The following LYST variants were observed in gnomAD, a reference collection of about 807,000 sequenced individuals.
LYST encodes the protein lysosomal trafficking regulator, also known as lysosomal-trafficking regulator.
Under a neutral mutation model 413.6 loss-of-function variants are expected in LYST, and 192 were observed. The ratio of observed to expected loss-of-function variants is 0.46; its 90% CI spans 0.41 to 0.52. The LOEUF is 0.52. Ranked by LOEUF, LYST falls within the 20% of genes least tolerant of loss-of-function variation. LYST has a pLI of 0.00. For missense variants in LYST, 3,815 were observed against 4,499.9 expected, an observed-to-expected ratio of 0.85 and a Z score of 4.35; for synonymous variants, 1,525 against 1,567.3, an observed-to-expected ratio of 0.97 and a Z score of 0.64.
chr1:235,847,257 A>G (rs1677988922), intron 1 of LYST, among the ~76,000 whole-genome samples: 1 of 152,222 alleles, frequency 6.6e-6, no homozygotes, highest in South Asian at 2.1e-4. Context: ...TCAGCCAAGA[A>G]TTTTGTATCC....
At position 235,702,050 on chromosome 1, in the gene LYST, T is replaced by C. The variant is rs571723043; in HGVS notation, c.10374+697A>G. Among the ~76,000 whole-genome samples, 207 of 152,308 alleles carry C rather than the reference T, an allele frequency of 1.4e-3. 1 individual carries two copies. Among genetic ancestry groups the C allele is most frequent in the Middle Eastern group, 3.4e-3 (1 of 294 alleles). On this transcript the variant is annotated intron_variant, in intron 45 of 52. Coordinates refer to ENST00000389793, the MANE Select transcript of LYST (RefSeq NM_000081.4). ...GAGTTATTTCATCTTTAAGGTCCTT[T>C]ACAACGTCTTTCCCTTACCTTTTCA...
rs528647541 is a variant in LYST at position 235,762,819 on chromosome 1, T to G, written c.6154A>C (p.Ile2052Leu). Reference sequence around the variant, plus strand: ...CTGCTGGAATGCCTCAGGTACATGATTGACCGCACTTTCTCCTGAAAGATC... The same window carrying G: ...CTGCTGGAATGCCTCAGGTACATGAGTGACCGCACTTTCTCCTGAAAGATC... Reference protein sequence around the residue: ...GKIFQEKVRSIMYLRHSSSGG... With the variant: ...GKIFQEKVRSLMYLRHSSSGG... The change falls in exon 22 of 53, where the codon ATC (isoleucine) becomes CTC (leucine). Residue 2052 changes from isoleucine to leucine, a missense_variant. Physicochemically the swap from Ile to Leu is conservative, Grantham distance 5 (BLOSUM62 2). Coordinates refer to ENST00000389793, the MANE Select transcript of LYST (RefSeq NM_000081.4). The G allele has an allele frequency of 1.9e-6, 3 of 1,613,570 alleles. No individual in the cohort carries two copies. The Admixed American group carries it at 5.0e-5, about 27-fold the overall frequency.
chr1:235,730,454 T>C (rs142360521), intron 36 of LYST, among the ~76,000 whole-genome samples: 25 of 152,120 alleles, frequency 1.6e-4, no homozygotes, highest in African/African-American at 5.8e-4. Context: ...AGCAGCTCTA[T>C]CTATATTAAT....
In LYST at chr1:235,707,474, T is replaced by C. The variant is rs1304654769; in HGVS notation, c.10143+1617A>G. ...CCCTGTCTCACTAAAAATACAAAAA[T>C]TAGCCAGGTGCGGTGGTGGGCGCCT... On this transcript the variant is annotated intron_variant, in intron 44 of 52. Coordinates refer to ENST00000389793, the MANE Select transcript of LYST (RefSeq NM_000081.4). Among the ~76,000 whole-genome samples the C allele has an allele frequency of 2.0e-5, 3 of 151,934 alleles. No homozygotes were observed. The East Asian group carries it at 5.8e-4, about 29-fold the overall frequency.
At chr1:235,675,245 C>T (rs1023157060) in intron 50 of LYST, among the ~76,000 whole-genome samples, 1 of 152,182 alleles carries the variant, frequency 6.6e-6, no homozygotes, top group African/African-American at 2.4e-5. Context: ...CATGCCCAGA[C>T]TTGTTCTATA....
chr1:235,834,046 G>A (rs1053789642), intron 1 of LYST, among the ~76,000 whole-genome samples: 4 of 152,072 alleles, frequency 2.6e-5, no homozygotes, highest in African/African-American at 9.7e-5. Flanking sequence ...GAGTTCCTAG[G>A]TACAGCCATT....
chr1:235,776,356 T>A (rs1669235395), intron 17 of LYST, among the ~76,000 whole-genome samples: 1 of 152,194 alleles, frequency 6.6e-6, no homozygotes, highest in Non-Finnish European at 1.5e-5. Context: ...TAAAGAAAGT[T>A]AGATAGGGAG....
At chr1:235,697,316 T>A in intron 45 of LYST, 44 bp from the exon 46 acceptor site, 1 of 1,430,266 alleles carries the variant, frequency 7.0e-7, no homozygotes, top group Non-Finnish European at 9.8e-7. Flanking sequence ...TAAAAGGTGG[T>A]AAGTGTAGAA....
rs1422182697 is a variant in LYST at position 235,805,870 on chromosome 1, T to C, written c.3266A>G (p.Lys1089Arg). Residue 1089 changes from lysine (K) to arginine (R), a missense_variant, in exon 6 of 53, where the codon AAG (lysine) becomes AGG (arginine). This residue lies in a region of LYST where 1,648 missense variants were observed against 1,810.3 expected (regional missense o/e 0.91). Transcript: ENST00000389793. ...CTCACTTTCTTGACTTGTAAATAGC[T>C]TTGCTTCCTCGGGAGCGGCTTCAGT... ...SATEAAPEEA[K>R]LFTSQESETS... is the part of the protein sequence containing the mutation. The C allele has an allele frequency of 1.4e-5, 22 of 1,613,864 alleles. No homozygotes were observed. Among genetic ancestry groups the C allele is most frequent in the Non-Finnish European group, 1.9e-5 (22 of 1,179,922 alleles).
chr1:235,825,662 T>C (rs1194705366), intron 3 of LYST, among the ~76,000 whole-genome samples: 9 of 152,150 alleles, frequency 5.9e-5, no homozygotes, highest in East Asian at 3.8e-4. Context: ...AACCACTCAA[T>C]AGTGCAGAGA....
At chr1:235,761,355 C>T (rs1450910409) in intron 22 of LYST, among the ~76,000 whole-genome samples, 54 of 152,042 alleles carry the variant, frequency 3.6e-4, no homozygotes, top group Non-Finnish European at 1.9e-4. Flanking sequence ...TGGAAAAGGA[C>T]AGTAGTCAGG....
intron 5 of LYST, among the ~76,000 whole-genome samples, chr1:235,807,088 A>G (rs1348116353): frequency 6.6e-6 from 1 of 152,234 alleles, no homozygotes; most frequent in Non-Finnish European, 1.5e-5. Flanking sequence ...CAAATTCTAT[A>G]TAAATTCTGA....
At position 235,739,120 on chromosome 1, in the gene LYST, ATTCCT is replaced by A. The variant is rs534147856; in HGVS notation, c.8358+2297_8358+2301del. ...TTAAGATGGATTGGGAAAAACATCAATTCCTAAGGTTAGAAATAGGAATGGTTTGT... is the reference window on the plus strand; with the variant it reads ...TTAAGATGGATTGGGAAAAACATCAAAAGGTTAGAAATAGGAATGGTTTGT... On this transcript the variant is annotated intron_variant, in intron 31 of 52. Transcript: ENST00000389793. The A allele has an allele frequency of 6.5e-5, 33 of 506,890 alleles. No homozygotes were observed. In the East Asian group the frequency reaches 1.8e-3, roughly 27 times the overall value. The allele number at this position is 506,890 out of a possible 1,614,324, so 31.4% of individuals were successfully genotyped here. A position where few individuals can be genotyped will look rare whatever the true frequency, so the allele number is the denominator to read the frequency against.
intron 22 of LYST, among the ~76,000 whole-genome samples, chr1:235,762,444 T>A (rs931769676): frequency 2.0e-5 from 3 of 152,124 alleles, no homozygotes; most frequent in African/African-American, 7.2e-5. Context: ...CAGAAGAGAA[T>A]AAAAGTTTTT....
chr1:235,805,393 A>G (rs1249315371), intron 6 of LYST, among the ~76,000 whole-genome samples: 1 of 152,082 alleles, frequency 6.6e-6, no homozygotes, highest in African/African-American at 2.4e-5. Context: ...TGATTCCTGG[A>G]AGATGGGTGC....
intron 17 of LYST, among the ~76,000 whole-genome samples, chr1:235,775,449 A>C (rs572121738): frequency 6.6e-6 from 1 of 152,336 alleles, no homozygotes; most frequent in East Asian, 1.9e-4. Flanking sequence ...ACTTGTTCCC[A>C]ATGGGGTCTA....
chr1:235,834,270 G>C (rs1319957787), intron 1 of LYST, among the ~76,000 whole-genome samples: 3 of 152,116 alleles, frequency 2.0e-5, no homozygotes, highest in Non-Finnish European at 4.4e-5. Flanking sequence ...TTTCTCTTTA[G>C]TTACCTGCTC....
intron 1 of LYST, among the ~76,000 whole-genome samples, chr1:235,852,250 G>T (rs1227547923): frequency 1.3e-5 from 2 of 152,126 alleles, no homozygotes; most frequent in African/African-American, 4.8e-5. Context: ...TGCCTCAATG[G>T]GAAAATGAAT....
At chr1:235,817,322 C>T (rs1243125605) in intron 3 of LYST, among the ~76,000 whole-genome samples, 1 of 152,084 alleles carries the variant, frequency 6.6e-6, no homozygotes, top group South Asian at 2.1e-4. Flanking sequence ...TGGCAATTTC[C>T]CAAAGAACTT....
Sources: allele counts gnomAD v4.1 joint callset (sites outside exome capture counted in the v4.1 genomes callset), GRCh38; gene constraint gnomAD v4.1.1; regional missense constraint gnomAD v4.1.1; transcripts MANE v1.5; gene names NCBI Gene and HGNC (gene_info 2026-07-23, HGNC 2026-07-21).